The following H2BC4 variants were observed in gnomAD, a reference collection of about 807,000 sequenced individuals.
The protein encoded by H2BC4 is histone H2B type 1-C/E/F/G/I.
In H2BC4, 10 loss-of-function variants were observed where a neutral mutation model predicts 6.2. The ratio of observed to expected loss-of-function variants is 1.61; its 90% CI spans 0.99 to 2.73. The LOEUF (loss-of-function observed/expected upper bound fraction) is 2.73, where lower values mean the gene tolerates loss of function less well. Ranked by LOEUF, H2BC4 falls within the 30% of genes most tolerant of loss-of-function variation. The pLI is 0.00. For missense variants in H2BC4, 176 were observed against 168.7 expected, an observed-to-expected ratio of 1.04 and a Z score of -0.24; for synonymous variants, 146 against 70.7, an observed-to-expected ratio of 2.07 and a Z score of -5.35.
chr6:26,117,229 CA>C (rs1412648293), intron 1 of H2BC4, among the ~76,000 whole-genome samples: 2 of 152,094 alleles, frequency 1.3e-5, no homozygotes, highest in African/African-American at 4.8e-5. Context: ...CAACTCCTAC[CA>C]AAGTCTTCAG....
At chr6:26,123,456 T>C (rs543558651), downstream of H2BC4, 10 of 1,589,210 alleles carry the variant, frequency 6.3e-6, no homozygotes, top group Admixed American at 3.8e-5. Flanking sequence ...ACAGCTCTTT[T>C]AGTGGGTATC....
chr6:26,117,227 A>G (rs1367819102), intron 1 of H2BC4, among the ~76,000 whole-genome samples: 5 of 152,224 alleles, frequency 3.3e-5, no homozygotes, highest in African/African-American at 1.2e-4. Flanking sequence ...GCCAACTCCT[A>G]CCAAAGTCTT....
At chr6:26,118,040 C>T (rs1050746713) in intron 1 of H2BC4, among the ~76,000 whole-genome samples, 11 of 152,148 alleles carry the variant, frequency 7.2e-5, no homozygotes, top group African/African-American at 1.7e-4. Context: ...CATGTCTTCA[C>T]GATTTCTGGC....
At position 26,123,866 on chromosome 6, in the gene H2BC4, C is replaced by A; in HGVS notation, c.39G>T (p.Lys13Asn). ...CTTTGGTCACTGCCTTCTTGGAGCC[C>A]TTCTTCGGGGCGGGAGCAGACTTGG... ...EPAKSAPAPK[K>N]GSKKAVTKAQ... Residue 13 changes from lysine (K) to asparagine (N), a missense_variant, in exon 1 of 1, where the codon AAG becomes AAT. Lys to Asn is a moderately conservative substitution (Grantham distance 94). Coordinates refer to ENST00000396984, the MANE Select transcript of H2BC4 (RefSeq NM_003526.3). The A allele has an allele frequency of 1.2e-6, 2 of 1,614,202 alleles. No homozygotes were observed. The highest frequency in any genetic ancestry group is 2.7e-5 in the African/African-American group (2 of 75,056).
downstream of H2BC4, among the ~76,000 whole-genome samples, chr6:26,119,366 A>C (rs1763469010): frequency 6.6e-6 from 1 of 152,182 alleles, no homozygotes; most frequent in African/African-American, 2.4e-5. Flanking sequence ...GTTTCTTGTG[A>C]TTTGTATTTT....
downstream of H2BC4, among the ~76,000 whole-genome samples, chr6:26,123,072 G>A (rs1445394454): frequency 6.6e-6 from 1 of 152,134 alleles, no homozygotes; most frequent in Non-Finnish European, 1.5e-5. Context: ...ATGTAAATCA[G>A]AGTCTCAAAA....
At chr6:26,117,296 G>A (rs1297252175) in intron 1 of H2BC4, among the ~76,000 whole-genome samples, 1 of 152,152 alleles carries the variant, frequency 6.6e-6, no homozygotes, top group Non-Finnish European at 1.5e-5. Flanking sequence ...AATAAAATTT[G>A]TCAAACAGCA....
At chr6:26,116,673 C>G (rs1160199709) in intron 1 of H2BC4, among the ~76,000 whole-genome samples, 1 of 151,872 alleles carries the variant, frequency 6.6e-6, no homozygotes, top group African/African-American at 2.4e-5. Context: ...ACACTCCAGC[C>G]TGGCAGCCTG....
chr6:26,122,523 A>G (rs1763514369), downstream of H2BC4, among the ~76,000 whole-genome samples: 1 of 152,200 alleles, frequency 6.6e-6, no homozygotes, highest in East Asian at 1.9e-4. Flanking sequence ...AGCGGCCTGC[A>G]GTTGTCTAGG....
downstream of H2BC4, among the ~76,000 whole-genome samples, chr6:26,119,017 C>T (rs13206443): frequency 0.093 from 14,125 of 151,392 alleles, 700 homozygotes; most frequent in African/African-American, 0.11. Flanking sequence ...CAAACAGTAA[C>T]AACTTTTTAA....
rs112965551 is a variant in H2BC4, at chr6:26,116,608, G to A, written c.*10-1473C>T. 2.1e-3 allele frequency among the ~76,000 whole-genome samples: 322 copies of A among 152,272 alleles called. 2 individuals are homozygous for A. The highest frequency in any genetic ancestry group is 3.4e-3 in the Non-Finnish European group (228 of 68,020). ...CCAGATACTCAGGATGCTGAGGCAG[G>A]AGGATGGCTTCAGCCCAGAAGGTGG... On this transcript the variant is annotated intron_variant, in intron 1 of 1. Transcript: ENST00000314332.
intron 1 of H2BC4, among the ~76,000 whole-genome samples, chr6:26,117,166 AC>A (rs1763432753): frequency 6.6e-6 from 1 of 152,202 alleles, no homozygotes; most frequent in Admixed American, 6.5e-5. Flanking sequence ...ACTATGATCA[AC>A]TGGCATTTTC....
chr6:26,119,211 C>T (rs1003588161), downstream of H2BC4, among the ~76,000 whole-genome samples: 7 of 152,088 alleles, frequency 4.6e-5, no homozygotes, highest in Non-Finnish European at 7.4e-5. Flanking sequence ...TGGTCCTCTA[C>T]GCCCACACGT....
chr6:26,113,550 C>T (rs1289111940), downstream of H2BC4, among the ~76,000 whole-genome samples: 1 of 152,172 alleles, frequency 6.6e-6, no homozygotes, highest in Non-Finnish European at 1.5e-5. Flanking sequence ...AACTTCTCAC[C>T]TCACTTGTTT....
At chr6:26,121,169 T>C (rs1221647958), downstream of H2BC4, among the ~76,000 whole-genome samples, 1 of 152,192 alleles carries the variant, frequency 6.6e-6, no homozygotes, top group Non-Finnish European at 1.5e-5. Flanking sequence ...CCCTGTGTCC[T>C]CACAGAGAAT....
downstream of H2BC4, among the ~76,000 whole-genome samples, chr6:26,118,926 C>A (rs1255277291): frequency 6.6e-6 from 1 of 152,024 alleles, no homozygotes; most frequent in African/African-American, 2.4e-5. Flanking sequence ...GAATATAAAT[C>A]ATGGCTATAT....
At chr6:26,113,170 T>A (rs198837), downstream of H2BC4, among the ~76,000 whole-genome samples, 72,091 of 151,994 alleles carry the variant, frequency 0.47, 17,726 homozygotes, top group Non-Finnish European at 0.54. Flanking sequence ...ATACAGCATA[T>A]CTCCTTCCAG....
At chr6:26,121,750 TA>T (rs1261289565), downstream of H2BC4, among the ~76,000 whole-genome samples, 2 of 148,592 alleles carry the variant, frequency 1.3e-5, no homozygotes, top group African/African-American at 4.9e-5. Flanking sequence ...ATTAGAGGCA[TA>T]GAAAAAAAAA....
chr6:26,122,327 A>G (rs955942354), downstream of H2BC4, among the ~76,000 whole-genome samples: 1 of 152,226 alleles, frequency 6.6e-6, no homozygotes, highest in African/African-American at 2.4e-5. Context: ...CTGCTTTAAC[A>G]CTAATTTTAT....
Sources: allele counts gnomAD v4.1 joint callset (sites outside exome capture counted in the v4.1 genomes callset), GRCh38; gene constraint gnomAD v4.1.1; transcripts MANE v1.5; gene names NCBI Gene and HGNC (gene_info 2026-07-23, HGNC 2026-07-21).